The following TMEM108 variants were observed in gnomAD, a reference collection of about 807,000 sequenced individuals.
TMEM108 encodes the protein cancer/testis antigen 124.
A neutral mutation model predicts 35.1 loss-of-function variants in TMEM108; 12 were observed. The observed-to-expected ratio is 0.34, with a 90% CI of 0.22 to 0.55. The LOEUF is 0.55. Among genes scored for constraint, TMEM108 ranks in the 20% least tolerant of loss-of-function variants. The pLI is 0.89. For synonymous variants in TMEM108, 287 were observed against 308.6 expected (o/e 0.93, Z 0.73); for missense variants, 680 against 753.3 (o/e 0.90, Z 1.14).
At chr3:133,373,341 C>T (rs1281461699) in intron 3 of TMEM108, among the ~76,000 whole-genome samples, 53 of 123,124 alleles carry the variant, frequency 4.3e-4, no homozygotes, top group Non-Finnish European at 6.3e-4. Flanking sequence ...AGAGTGAGAC[C>T]TTGTCTCAAA....
At chr3:133,198,179 A>G (rs542705121) in intron 2 of TMEM108, among the ~76,000 whole-genome samples, 1 of 152,220 alleles carries the variant, frequency 6.6e-6, no homozygotes, top group Non-Finnish European at 1.5e-5. Flanking sequence ...GAATTTTCGT[A>G]TAACTTGTTT....
At chr3:133,375,414 G>A (rs35715591) in intron 3 of TMEM108, among the ~76,000 whole-genome samples, 2,015 of 152,322 alleles carry the variant, frequency 0.013, 17 homozygotes, top group South Asian at 0.034. Flanking sequence ...AGCATGTGAA[G>A]CTAGGTTTTA....
intron 2 of TMEM108, among the ~76,000 whole-genome samples, chr3:133,156,921 G>T (rs1944890336): frequency 6.6e-6 from 1 of 152,160 alleles, no homozygotes; most frequent in Non-Finnish European, 1.5e-5. Flanking sequence ...TTCACCGGGG[G>T]TCCCTTGAGT....
intron 3 of TMEM108, among the ~76,000 whole-genome samples, chr3:133,239,426 G>A (rs6768810): frequency 0.011 from 1,651 of 152,212 alleles, 25 homozygotes; most frequent in African/African-American, 0.036. Flanking sequence ...GAATCACCTC[G>A]GGAACTTTTT....
At chr3:133,310,315 C>T (rs939533871) in intron 3 of TMEM108, among the ~76,000 whole-genome samples, 1 of 151,974 alleles carries the variant, frequency 6.6e-6, no homozygotes, top group Admixed American at 6.6e-5. Context: ...TAAAGTCTCC[C>T]ATTATTATTG....
At chr3:133,243,081 G>A (rs750972421) in intron 3 of TMEM108, among the ~76,000 whole-genome samples, 25 of 152,294 alleles carry the variant, frequency 1.6e-4, no homozygotes, top group Middle Eastern at 3.4e-3. Flanking sequence ...TGGAAGCAGT[G>A]GAAGATGAAT....
intron 2 of TMEM108, among the ~76,000 whole-genome samples, chr3:133,113,243 GGT>G (rs1944247589): frequency 6.6e-6 from 1 of 152,172 alleles, no homozygotes. Context: ...CACCTGCTTT[GGT>G]TCAGCTGGGT....
chr3:133,381,478 A>G (rs1209465485), intron 4 of TMEM108, among the ~76,000 whole-genome samples: 2 of 152,216 alleles, frequency 1.3e-5, no homozygotes, highest in African/African-American at 4.8e-5. Flanking sequence ...CCAGGATCCC[A>G]GAATTAGTGA....
chr3:133,096,764 G>T (rs1944020449), intron 2 of TMEM108, among the ~76,000 whole-genome samples: 1 of 152,224 alleles, frequency 6.6e-6, no homozygotes. Flanking sequence ...TCATATTCTA[G>T]AAGACCAAGT....
chr3:133,309,995 C>T (rs77474599), intron 3 of TMEM108, among the ~76,000 whole-genome samples: 23,944 of 152,054 alleles, frequency 0.16, 2,456 homozygotes, highest in East Asian at 0.42. Context: ...CCACCGCGCC[C>T]GGCCTTGAGT....
chr3:133,051,707 G>A (rs1206930299), intron 2 of TMEM108, among the ~76,000 whole-genome samples: 1 of 152,098 alleles, frequency 6.6e-6, no homozygotes, highest in Non-Finnish European at 1.5e-5. Context: ...TAAGGTCTGT[G>A]TCTAGATTAA....
intron 2 of TMEM108, among the ~76,000 whole-genome samples, chr3:133,158,948 T>C (rs1944921293): frequency 6.6e-6 from 1 of 152,004 alleles, no homozygotes; most frequent in East Asian, 1.9e-4. Flanking sequence ...TATATGTGTT[T>C]AGCAGGCTGT....
intron 2 of TMEM108, among the ~76,000 whole-genome samples, chr3:133,114,429 T>C (rs1944263318): frequency 6.6e-6 from 1 of 152,166 alleles, no homozygotes; most frequent in Admixed American, 6.6e-5. Flanking sequence ...TGGCGAGTCA[T>C]AATGTAACTA....
At chr3:133,137,057 T>C (rs1944574503) in intron 2 of TMEM108, among the ~76,000 whole-genome samples, 1 of 152,206 alleles carries the variant, frequency 6.6e-6, no homozygotes, top group Non-Finnish European at 1.5e-5. Context: ...TTAGTTATGA[T>C]AAGAAGTTGT....
chr3:133,067,347 A>G (rs964176214), intron 2 of TMEM108, among the ~76,000 whole-genome samples: 1 of 152,144 alleles, frequency 6.6e-6, no homozygotes, highest in Non-Finnish European at 1.5e-5. Context: ...CATTCTTTAT[A>G]AAGGTATTGC....
chr3:133,383,527 C>G (rs189314565), intron 4 of TMEM108, among the ~76,000 whole-genome samples: 109 of 152,340 alleles, frequency 7.2e-4, no homozygotes, highest in Non-Finnish European at 1.1e-3. Context: ...GCCTGCACCC[C>G]ACAGGCTACA....
intron 2 of TMEM108, among the ~76,000 whole-genome samples, chr3:133,101,308 C>A (rs1027069409): frequency 6.6e-6 from 1 of 152,186 alleles, no homozygotes; most frequent in African/African-American, 2.4e-5. Flanking sequence ...ATGATGTTCC[C>A]TTCATCACCC....
chr3:133,163,456 G>T (rs1483464870), intron 2 of TMEM108, among the ~76,000 whole-genome samples: 2 of 152,154 alleles, frequency 1.3e-5, no homozygotes, highest in African/African-American at 4.8e-5. Context: ...ATACCATAGG[G>T]GTCAAGGAGG....
At chr3:133,284,559 G>T (rs1457522677) in intron 3 of TMEM108, among the ~76,000 whole-genome samples, 3 of 152,176 alleles carry the variant, frequency 2.0e-5, no homozygotes, top group African/African-American at 7.2e-5. Context: ...CATAGGATAG[G>T]AGCCTGAAAG....
Sources: allele counts gnomAD v4.1 joint callset (sites outside exome capture counted in the v4.1 genomes callset), GRCh38; gene constraint gnomAD v4.1.1; transcripts MANE v1.5; gene names NCBI Gene and HGNC (gene_info 2026-07-23, HGNC 2026-07-21).